Variants in GPC5 observed in about 807,000 individuals in gnomAD.
GPC5 encodes glypican-5.
GPC5 carries 47 observed loss-of-function variants against 53.9 expected under a neutral mutation model. That is an observed-to-expected ratio of 0.87 (90% CI 0.69 to 1.11). The LOEUF (loss-of-function observed/expected upper bound fraction) is 1.11. Among genes scored for constraint, GPC5 ranks in the 50% most tolerant of loss-of-function variants. GPC5 has a pLI of 0.00. For synonymous variants in GPC5, 286 were observed against 263.3 expected, an observed-to-expected ratio of 1.09 and a Z score of -0.84; for missense variants, 748 against 713.1, an observed-to-expected ratio of 1.05 and a Z score of -0.56.
At chr13:91,492,842 A>G (rs757729199) in intron 2 of GPC5, among the ~76,000 whole-genome samples, 8 of 152,056 alleles carry the variant, frequency 5.3e-5, no homozygotes, top group Non-Finnish European at 1.2e-4. Flanking sequence ...TCAGCCACCC[A>G]CTCCGTGGAC....
chr13:92,456,524 G>T (rs1209817730), intron 7 of GPC5, among the ~76,000 whole-genome samples: 3 of 152,104 alleles, frequency 2.0e-5, no homozygotes, highest in Non-Finnish European at 2.9e-5. Context: ...CATAATTCAT[G>T]AGGCCAGTGC....
At chr13:91,526,326 C>T (rs1008991483) in intron 2 of GPC5, among the ~76,000 whole-genome samples, 2 of 152,136 alleles carry the variant, frequency 1.3e-5, no homozygotes, top group African/African-American at 4.8e-5. Context: ...ATTTCATTTA[C>T]TGAGTTGAAG....
chr13:91,676,981 T>C (rs1405764992), intron 2 of GPC5, among the ~76,000 whole-genome samples: 6 of 152,174 alleles, frequency 3.9e-5, no homozygotes, highest in Admixed American at 1.3e-4. Flanking sequence ...AGGGAACAGC[T>C]TGCATGCTCA....
chr13:92,482,622 C>T (rs1368317238), intron 7 of GPC5, among the ~76,000 whole-genome samples: 1 of 152,060 alleles, frequency 6.6e-6, no homozygotes, highest in Non-Finnish European at 1.5e-5. Flanking sequence ...AGTTTATGCA[C>T]CAATTTGAAT....
At chr13:92,003,340 A>G (rs959092375) in intron 6 of GPC5, among the ~76,000 whole-genome samples, 6 of 151,858 alleles carry the variant, frequency 4.0e-5, no homozygotes, top group South Asian at 2.1e-4. Flanking sequence ...AAAAAAAAAA[A>G]AAAAGAAAAG....
intron 4 of GPC5, among the ~76,000 whole-genome samples, chr13:91,755,134 C>CA (rs2037262041): frequency 6.6e-6 from 1 of 151,746 alleles, no homozygotes; most frequent in Admixed American, 6.6e-5. Context: ...AACAAACAAA[C>CA]AAAAAATAAT....
At chr13:92,085,733 A>C (rs2138887624) in intron 6 of GPC5, among the ~76,000 whole-genome samples, 1 of 152,290 alleles carries the variant, frequency 6.6e-6, no homozygotes, top group South Asian at 2.1e-4. Context: ...AGACAGTGAC[A>C]GATTATCAGG....
intron 7 of GPC5, among the ~76,000 whole-genome samples, chr13:92,621,681 G>A (rs1884874302): frequency 6.6e-6 from 1 of 152,038 alleles, no homozygotes; most frequent in Admixed American, 6.5e-5. Context: ...TTAGTTGGGT[G>A]TGGTGGCGGG....
At chr13:92,409,450 A>T (rs1875947569) in intron 7 of GPC5, among the ~76,000 whole-genome samples, 1 of 152,064 alleles carries the variant, frequency 6.6e-6, no homozygotes, top group African/African-American at 2.4e-5. Context: ...CAAGAATTAT[A>T]AGGTGCTATG....
intron 7 of GPC5, among the ~76,000 whole-genome samples, chr13:92,253,229 A>C (rs1378494286): frequency 6.6e-6 from 1 of 152,094 alleles, no homozygotes; most frequent in South Asian, 2.1e-4. Context: ...GGTAACAAAG[A>C]AAAGAGTGAG....
At chr13:91,399,292 G>T (rs1176522152) in intron 1 of GPC5, 83 bp downstream of exon 1, 20 of 1,492,884 alleles carry the variant, frequency 1.3e-5, no homozygotes, top group African/African-American at 5.5e-5. Context: ...TGGCACTCGT[G>T]GGAAGATGAC....
intron 6 of GPC5, chr13:91,994,767 A>G (rs2040488814): frequency 6.6e-6 from 1 of 152,148 alleles, no homozygotes; most frequent in Non-Finnish European, 1.5e-5. Context: ...AATCTGTTAT[A>G]GAATTTTGTC....
At chr13:92,628,731 C>G (rs547319443) in intron 7 of GPC5, among the ~76,000 whole-genome samples, 1 of 152,250 alleles carries the variant, frequency 6.6e-6, no homozygotes, top group Admixed American at 6.5e-5. Flanking sequence ...AGTGTTCAAA[C>G]CCCTGACTCC....
chr13:92,485,551 A>C (rs145873768), intron 7 of GPC5, among the ~76,000 whole-genome samples: 23 of 152,360 alleles, frequency 1.5e-4, no homozygotes, highest in African/African-American at 5.3e-4. Context: ...CATATGGCAA[A>C]ATTAGGCAAA....
At chr13:91,934,480 G>T (rs1013977892) in intron 6 of GPC5, among the ~76,000 whole-genome samples, 1 of 151,804 alleles carries the variant, frequency 6.6e-6, no homozygotes, top group African/African-American at 2.4e-5. Context: ...TTCTGTGACC[G>T]ATGTTAGCTG....
At chr13:92,630,440 C>T (rs1399346166) in intron 7 of GPC5, among the ~76,000 whole-genome samples, 2 of 152,008 alleles carry the variant, frequency 1.3e-5, no homozygotes, top group African/African-American at 2.4e-5. Flanking sequence ...ATTTACTTTT[C>T]AGCTGAATTG....
chr13:92,549,354 T>C (rs1378821155), intron 7 of GPC5, among the ~76,000 whole-genome samples: 1 of 152,128 alleles, frequency 6.6e-6, no homozygotes, highest in Non-Finnish European at 1.5e-5. Context: ...CTGCAGGTTA[T>C]GAAAGATCTT....
intron 7 of GPC5, among the ~76,000 whole-genome samples, chr13:92,706,879 G>A (rs1887969754): frequency 6.6e-6 from 1 of 152,190 alleles, no homozygotes; most frequent in Non-Finnish European, 1.5e-5. Context: ...GTTTCTTAGA[G>A]GTGGAGCCCT....
chr13:92,269,701 T>C (rs935033915), intron 7 of GPC5, among the ~76,000 whole-genome samples: 18 of 152,166 alleles, frequency 1.2e-4, no homozygotes, highest in African/African-American at 3.6e-4. Flanking sequence ...CCACCACACC[T>C]GGCCCGAAGG....
Sources: gnomAD v4.1 joint callset for allele counts (sites outside exome capture counted in the v4.1 genomes callset) on GRCh38, gnomAD v4.1.1 for gene constraint, MANE v1.5 for transcripts, NCBI Gene and HGNC (gene_info 2026-07-23, HGNC 2026-07-21) for gene names.